ZFYVE26: variants seen among roughly 807,000 people sequenced by gnomAD.
ZFYVE26 encodes zinc finger FYVE-type containing 26, also known as zinc finger FYVE domain-containing protein 26.
In ZFYVE26, 181 loss-of-function variants were observed where a neutral mutation model predicts 276.5. That is an observed-to-expected ratio of 0.65 (90% CI 0.58 to 0.74). The LOEUF is 0.74. Ranked by LOEUF, ZFYVE26 falls within the 30% of genes least tolerant of loss-of-function variation. The pLI is 0.00. For synonymous variants in ZFYVE26, 1,129 were observed against 1,203.1 expected (o/e 0.94, Z 1.27); for missense variants, 2,821 against 3,097.9 (o/e 0.91, Z 2.12).
At position 67,806,555 on chromosome 14, in the gene ZFYVE26, T is replaced by G. The variant is rs1018829073; in HGVS notation, c.1007A>C (p.Glu336Ala). 3 of 1,614,190 alleles carry G rather than the reference T, an allele frequency of 1.9e-6. No homozygotes were observed. Among genetic ancestry groups the G allele is most frequent in the Non-Finnish European group, 1.7e-6 (2 of 1,180,020 alleles). ...TTAAGCTTGACTTACCAGAATCTGC[T>G]CGAGGAAGTGTTTGTTGTTGCTCAG... ...YCLSNNKHFL[E>A]QILVTALTLL... Residue 336 changes from glutamate to alanine, a missense_variant, in exon 6 of 42, where the codon GAG becomes GCG. Physicochemically the swap from Glu to Ala is moderately radical, Grantham distance 107 (BLOSUM62 -1). Coordinates refer to ENST00000347230, the MANE Select transcript of ZFYVE26 (RefSeq NM_015346.4).
At chr14:67,729,740 A>G in exon 14 of ZFYVE26, 1 of 509,658 alleles carries the variant, frequency 2.0e-6, no homozygotes, top group South Asian at 1.5e-5. Flanking sequence ...TTTAAATACC[A>G]ATTAGCACAA....
intron 19 of ZFYVE26, among the ~76,000 whole-genome samples, chr14:67,784,697 C>G (rs764619482): frequency 1.2e-4 from 19 of 152,210 alleles, no homozygotes; most frequent in Non-Finnish European, 2.4e-4. Flanking sequence ...AACTCCTGCT[C>G]TCTTCAACCC....
chr14:67,778,895 T>G (rs192109935), intron 23 of ZFYVE26, among the ~76,000 whole-genome samples: 1 of 152,216 alleles, frequency 6.6e-6, no homozygotes, highest in Non-Finnish European at 1.5e-5. Flanking sequence ...GTGCCCTGCC[T>G]GTGCTCCCAC....
At chr14:67,811,494 G>C (rs1250185644) in intron 3 of ZFYVE26, among the ~76,000 whole-genome samples, 2 of 152,148 alleles carry the variant, frequency 1.3e-5, no homozygotes, top group East Asian at 3.8e-4. Context: ...AAAAAGTAGT[G>C]TTAAGGCAGA....
intron 27 of ZFYVE26, 66 bp from the exon 28 acceptor site, chr14:67,772,276 A>T: frequency 6.5e-7 from 1 of 1,534,076 alleles, no homozygotes; most frequent in Non-Finnish European, 8.9e-7. Flanking sequence ...ATGAAGAGGG[A>T]ATGATAGAAT....
At chr14:67,762,915 T>C in intron 32 of ZFYVE26, 96 bp from the exon 33 acceptor site, 1 of 1,539,174 alleles carries the variant, frequency 6.5e-7, no homozygotes, top group Non-Finnish European at 8.8e-7. Context: ...TTTTTCTGTT[T>C]GTTTTGAAAC....
intron 18 of ZFYVE26, 78 bp from the exon 19 acceptor site, chr14:67,785,355 T>C (rs929988688): frequency 1.5e-5 from 20 of 1,317,988 alleles, no homozygotes; most frequent in East Asian, 2.5e-5. Context: ...TGACTGGATA[T>C]GTGAACTGTG....
At position 67,807,271 on chromosome 14, in the gene ZFYVE26, C is replaced by T. The variant is rs529360243; in HGVS notation, c.886+127G>A. 48 of 1,234,534 alleles carry T rather than the reference C, an allele frequency of 3.9e-5. 1 individual carries two copies. The South Asian group carries it at 5.9e-4, about 15-fold the overall frequency. The allele number at this position is 1,234,534 out of a possible 1,614,324, so 76.5% of individuals were successfully genotyped here. ...GTACTTTTACGAAAGAGCATCGCAC[C>T]CATTTTTGCTTAGCCTCCCCTATTA... is the stretch of plus-strand genomic sequence containing the variant. On this transcript the variant is annotated intron_variant, in intron 5 of 41. Transcript: ENST00000347230.
intron 26 of ZFYVE26, among the ~76,000 whole-genome samples, chr14:67,775,423 A>T (rs2039316340): frequency 6.6e-6 from 1 of 152,248 alleles, no homozygotes; most frequent in Admixed American, 6.5e-5. Context: ...GTAGGGAGTA[A>T]GAAAAAAGAG....
chr14:67,770,226 G>T, intron 28 of ZFYVE26: 1 of 194,136 alleles, frequency 5.2e-6, no homozygotes, highest in Middle Eastern at 2.3e-3. Flanking sequence ...CAGTTTGGGA[G>T]GCAGAGGTGA....
intron 35 of ZFYVE26, chr14:67,760,814 G>C: frequency 5.2e-6 from 1 of 192,628 alleles, no homozygotes. Flanking sequence ...GTTCTTCAGT[G>C]GTGCCTTTGC....
At chr14:67,736,726 G>A (rs1272814182) in intron 13 of ZFYVE26, among the ~76,000 whole-genome samples, 3 of 152,234 alleles carry the variant, frequency 2.0e-5, no homozygotes, top group South Asian at 4.1e-4. Flanking sequence ...TCTAGAAAAC[G>A]GACTTCGAGA....
At chr14:67,737,088 CTTTT>C (rs71129855) in intron 13 of ZFYVE26, among the ~76,000 whole-genome samples, 2 of 104,806 alleles carry the variant, frequency 1.9e-5, no homozygotes, top group Non-Finnish European at 3.9e-5. Context: ...TTTTTCTTTT[CTTTT>C]TTTTTTTTTT....
chr14:67,793,616 C>T lies in ZFYVE26; in HGVS notation c.2545G>A (p.Ala849Thr), dbSNP rs1300096381. The T allele has an allele frequency of 6.2e-6, 10 of 1,613,484 alleles. No individual in the cohort carries two copies. Among genetic ancestry groups the T allele is most frequent in the Non-Finnish European group, 8.5e-6 (10 of 1,179,766 alleles). Residue 849 changes from alanine to threonine, a missense_variant, in exon 14 of 42, where the codon GCC becomes ACC. Transcript: ENST00000347230. ...SCILRGNFAEAHQVLFTFNLK... is the reference protein window; with the variant it reads ...SCILRGNFAETHQVLFTFNLK... ...GTATGGCCTCCCCTCACCTGATGGGCTTCTGCGAAGTTCCCGCGAAGGATG... is the reference window on the plus strand; with the variant it reads ...GTATGGCCTCCCCTCACCTGATGGGTTTCTGCGAAGTTCCCGCGAAGGATG...
chr14:67,790,633 G>A lies in ZFYVE26; in HGVS notation c.2694C>T (p.Thr898=). The A allele has an allele frequency of 6.2e-7, 1 of 1,614,152 alleles. No individual in the cohort carries two copies. The highest frequency in any genetic ancestry group is 8.5e-7 in the Non-Finnish European group (1 of 1,180,026). ...ENQNSDAGSS[T]IRRTGSGRST... ...AGCGGCCACTGCCAGTTCTCCGAAT[G>A]GTGCTGCTACCCGCATCTGAGTTCT... The change falls in exon 15 of 42, where the codon ACC becomes ACT. Residue 898 remains threonine, a synonymous_variant. Transcript: ENST00000347230.
At position 67,781,315 on chromosome 14, in the gene ZFYVE26, T is replaced by C; in HGVS notation, c.4569+18A>G. 1 of 1,613,902 alleles carries C rather than the reference T, an allele frequency of 6.2e-7. No homozygotes were observed. The highest frequency in any genetic ancestry group is 1.7e-5 in the Admixed American group (1 of 60,014). ...AGTGAGAAGCCCGTTCCCTTTCTCTTGATGCGAGGGCCCATACCTTCTGAT... is the reference window on the plus strand; with the variant it reads ...AGTGAGAAGCCCGTTCCCTTTCTCTCGATGCGAGGGCCCATACCTTCTGAT... On this transcript the variant is annotated intron_variant, in intron 22 of 41. Coordinates refer to ENST00000347230, the MANE Select transcript of ZFYVE26 (RefSeq NM_015346.4).
intron 29 of ZFYVE26, 100 bp downstream of exon 29, chr14:67,769,493 TG>T: frequency 6.5e-7 from 1 of 1,544,020 alleles, no homozygotes; most frequent in Admixed American, 1.7e-5. Flanking sequence ...TAAACATTTC[TG>T]GATTTGAAAT....
downstream of ZFYVE26, among the ~76,000 whole-genome samples, chr14:67,743,829 G>A (rs2038449215): frequency 6.6e-6 from 1 of 152,164 alleles, no homozygotes. Context: ...TGAAGAGAAA[G>A]CATAGGCAGA....
At chr14:67,754,250 G>C (rs200185626) in intron 37 of ZFYVE26, 38 bp from the exon 38 acceptor site, 2 of 1,613,820 alleles carry the variant, frequency 1.2e-6, no homozygotes, top group Non-Finnish European at 1.7e-6. Flanking sequence ...GCCTCATGAG[G>C]GGCCCCAGGT....
Sources: gnomAD v4.1 joint callset for allele counts (sites outside exome capture counted in the v4.1 genomes callset) on GRCh38, gnomAD v4.1.1 for gene constraint, MANE v1.5 for transcripts, NCBI Gene and HGNC (gene_info 2026-07-23, HGNC 2026-07-21) for gene names.